Variants in INSL6 observed in about 807,000 individuals in gnomAD.
INSL6 encodes insulin-like peptide INSL6.
Under a neutral mutation model 9.4 loss-of-function variants are expected in INSL6, and 16 were observed. That is an observed-to-expected ratio of 1.70 (90% confidence interval 1.15 to 2.59). The LOEUF is 2.59. Ranked by LOEUF, INSL6 falls within the 30% of genes most tolerant of loss-of-function variation. The pLI is 0.00. For synonymous variants in INSL6, 154 were observed against 96.9 expected, an observed-to-expected ratio of 1.59 and a Z score of -3.46; for missense variants, 391 against 257.3, an observed-to-expected ratio of 1.52 and a Z score of -3.56.
the INSL6 span, among the ~76,000 whole-genome samples, chr9:5,095,862 T>C: frequency 6.6e-6 from 1 of 152,312 alleles, no homozygotes; most frequent in African/African-American, 2.4e-5. Flanking sequence ...TTTTAACAAC[T>C]ACCACATTTC....
At chr9:5,069,388 C>T in the INSL6 span, among the ~76,000 whole-genome samples, 9 of 152,008 alleles carry the variant, frequency 5.9e-5, no homozygotes, top group East Asian at 1.2e-3. Flanking sequence ...TTTTGGTGGT[C>T]TAGAAGTGAC....
At chr9:5,114,386 C>A in the INSL6 span, 1 of 520,312 alleles carries the variant, frequency 1.9e-6, no homozygotes, top group Non-Finnish European at 3.8e-6. Context: ...TCACGTCCAC[C>A]CTGCTGGTGG....
chr9:5,090,933 A>T, the INSL6 span: 1 of 1,509,340 alleles, frequency 6.6e-7, no homozygotes. Flanking sequence ...TCAGTATGAT[A>T]AATGAAATTT....
chr9:5,111,203 T>C, the INSL6 span: 1 of 636,450 alleles, frequency 1.6e-6, no homozygotes, highest in South Asian at 1.5e-5. Context: ...GGACCGGGAC[T>C]CGGAGGCAAG....
At chr9:5,090,003 G>A in the INSL6 span, 2 of 482,180 alleles carry the variant, frequency 4.1e-6, no homozygotes, top group South Asian at 1.9e-4. Context: ...TAGAGATTGT[G>A]TTTGGTGATC....
At chr9:5,132,950 G>C (rs534000690) in intron 3 of INSL6, 1 of 152,286 alleles carries the variant, frequency 6.6e-6, no homozygotes, top group African/African-American at 2.4e-5. Context: ...ATTTGGTGTG[G>C]CCTCAAATAA....
chr9:5,073,935 A>C, the INSL6 span: 1 of 597,722 alleles, frequency 1.7e-6, no homozygotes, highest in East Asian at 2.8e-5. Flanking sequence ...ACACTGTAGG[A>C]CTATTCAGTT....
the INSL6 span, among the ~76,000 whole-genome samples, chr9:5,093,597 T>A: frequency 3.9e-5 from 6 of 152,156 alleles, no homozygotes; most frequent in Non-Finnish European, 7.4e-5. Context: ...ACCTACTATC[T>A]CTGCATTAAA....
chr9:5,179,767 CT>C (rs1270714797), intron 1 of INSL6, among the ~76,000 whole-genome samples: 1 of 152,180 alleles, frequency 6.6e-6, no homozygotes, highest in African/African-American at 2.4e-5. Context: ...ACCACATGTT[CT>C]CACTTGTAAG....
the INSL6 span, among the ~76,000 whole-genome samples, chr9:5,096,067 A>G: frequency 6.6e-6 from 1 of 152,176 alleles, no homozygotes; most frequent in Non-Finnish European, 1.5e-5. Flanking sequence ...CCCAACCATT[A>G]TAGCTATCAT....
At chr9:5,114,476 C>T in the INSL6 span, 21 of 465,946 alleles carry the variant, frequency 4.5e-5, no homozygotes, top group Non-Finnish European at 6.8e-5. Flanking sequence ...CCAAGATCAG[C>T]GGCCCATGTG....
At chr9:5,064,802 A>G in the INSL6 span, 3 of 1,053,804 alleles carry the variant, frequency 2.8e-6, no homozygotes, top group Non-Finnish European at 4.0e-6. Context: ...TGTATTTAAC[A>G]TGGAATGAAG....
At chr9:5,140,326 T>C (rs1381955985) in intron 2 of INSL6, among the ~76,000 whole-genome samples, 1 of 152,026 alleles carries the variant, frequency 6.6e-6, no homozygotes, top group Non-Finnish European at 1.5e-5. Flanking sequence ...ATCCCTAATG[T>C]ACCTAATCAT....
chr9:5,048,504 ATCT>A, the INSL6 span, among the ~76,000 whole-genome samples: 81 of 152,254 alleles, frequency 5.3e-4, no homozygotes, highest in African/African-American at 1.8e-3. Context: ...GTCATTGATC[ATCT>A]TCTACTTAAA....
At chr9:5,111,030 G>T in the INSL6 span, 1 of 868,782 alleles carries the variant, frequency 1.2e-6, no homozygotes, top group African/African-American at 1.7e-5. Flanking sequence ...CCGCCTCCCT[G>T]GCCGGGGCGC....
chr9:5,168,234 T>C (rs530923906), intron 1 of INSL6, among the ~76,000 whole-genome samples: 10 of 152,186 alleles, frequency 6.6e-5, no homozygotes, highest in African/African-American at 2.4e-4. Context: ...GATAGATAAA[T>C]TGACAGAAGT....
the INSL6 span, among the ~76,000 whole-genome samples, chr9:5,052,005 T>A: frequency 6.6e-6 from 1 of 152,094 alleles, no homozygotes; most frequent in South Asian, 2.1e-4. Flanking sequence ...CAGCTACTTA[T>A]TGAATACTTG....
At chr9:5,102,360 A>G in the INSL6 span, among the ~76,000 whole-genome samples, 1 of 152,300 alleles carries the variant, frequency 6.6e-6, no homozygotes, top group Non-Finnish European at 1.5e-5. Flanking sequence ...AAAAAGCAAC[A>G]AGATAAAGCC....
chr9:5,104,316 G>A, the INSL6 span, among the ~76,000 whole-genome samples: 5 of 152,182 alleles, frequency 3.3e-5, no homozygotes, highest in East Asian at 9.6e-4. Flanking sequence ...AAATCTAGAA[G>A]AAATGGATAA....
Sources: gnomAD v4.1 joint callset for allele counts (sites outside exome capture counted in the v4.1 genomes callset) on GRCh38, gnomAD v4.1.1 for gene constraint, MANE v1.5 for transcripts, NCBI Gene and HGNC (gene_info 2026-07-23, HGNC 2026-07-21) for gene names.